Variants in IFT74 observed in about 807,000 individuals in gnomAD.
IFT74 encodes intraflagellar transport protein 74 homolog.
A neutral mutation model predicts 96.7 loss-of-function variants in IFT74; 92 were observed. That is an observed-to-expected ratio of 0.95 (90% confidence interval 0.80 to 1.13). The LOEUF (loss-of-function observed/expected upper bound fraction) is 1.13, where lower values mean the gene tolerates loss of function less well. IFT74 is among the 50% of genes most tolerant of loss of function. The pLI is 0.00. For missense variants in IFT74, 811 were observed against 698.2 expected (o/e 1.16, Z -1.82); for synonymous variants, 223 against 213.2 (o/e 1.05, Z -0.40).
intron 12 of IFT74, among the ~76,000 whole-genome samples, chr9:27,025,516 A>G (rs1285400975): frequency 6.6e-6 from 1 of 152,044 alleles, no homozygotes; most frequent in African/African-American, 2.4e-5. Flanking sequence ...CATCACAAAA[A>G]GATCATCACT....
chr9:27,008,834 C>A (rs2131600434), intron 8 of IFT74, among the ~76,000 whole-genome samples, 186 bp from the exon 9 acceptor site: 1 of 152,104 alleles, frequency 6.6e-6, no homozygotes, highest in Non-Finnish European at 1.5e-5. Flanking sequence ...TAAGTTTGTG[C>A]TAATGGGGCC....
At chr9:27,034,868 A>C (rs959770417) in intron 13 of IFT74, among the ~76,000 whole-genome samples, 1 of 152,218 alleles carries the variant, frequency 6.6e-6, no homozygotes, top group Non-Finnish European at 1.5e-5. Context: ...TGTTACTAGA[A>C]TGCCTGGATT....
intron 2 of IFT74, among the ~76,000 whole-genome samples, chr9:26,971,425 C>G (rs1426066550): frequency 6.6e-6 from 1 of 152,156 alleles, no homozygotes; most frequent in Non-Finnish European, 1.5e-5. Flanking sequence ...CCTTGATGTA[C>G]TTGAGACAAG....
chr9:26,996,208 C>A (rs932873804), intron 8 of IFT74: 21 of 762,646 alleles, frequency 2.8e-5, no homozygotes, highest in Admixed American at 3.6e-5. Flanking sequence ...GATGAGGAAT[C>A]TTTCTTTTAC....
intron 8 of IFT74, among the ~76,000 whole-genome samples, chr9:26,997,239 T>C (rs1468817114): frequency 1.3e-5 from 2 of 151,206 alleles, no homozygotes; most frequent in East Asian, 2.0e-4. Context: ...TCTTAATTTT[T>C]CCCCCTGGTA....
At chr9:26,996,469 G>A (rs867318283) in intron 8 of IFT74, 1 of 1,525,018 alleles carries the variant, frequency 6.6e-7, no homozygotes, top group African/African-American at 1.4e-5. Flanking sequence ...CAGGCTGTTG[G>A]GGTAGCTACA....
chr9:26,955,156 G>T (rs973091974), upstream of IFT74, among the ~76,000 whole-genome samples: 1 of 152,286 alleles, frequency 6.6e-6, no homozygotes, highest in South Asian at 2.1e-4. Context: ...AGCTGAAAAT[G>T]AATTTATTAA....
intron 12 of IFT74, among the ~76,000 whole-genome samples, chr9:27,022,675 C>T (rs1829665915): frequency 6.8e-6 from 1 of 147,974 alleles, no homozygotes; most frequent in Admixed American, 6.8e-5. Flanking sequence ...CAGCGTCTTG[C>T]TCTGTCGCCC....
At position 27,013,963 on chromosome 9, in the gene IFT74, C is replaced by T. The variant is rs113578171; in HGVS notation, c.789+1995C>T. On this transcript the variant is annotated intron_variant, in intron 10 of 19. Transcript: ENST00000380062. ...GGGCGTGGTGGCTCACGCCTGTAAT[C>T]CCAGCACTTTGGGAGGCCAAGGCAG... Among the ~76,000 whole-genome samples the T allele has an allele frequency of 4.5e-3, 692 of 152,292 alleles. 5 individuals carry two copies. Among genetic ancestry groups the T allele is most frequent in the African/African-American group, 0.016 (647 of 41,550 alleles).
rs1164775201 is a variant in IFT74, at chr9:26,979,708, T to TTG, written c.257-862_257-861insGT. ...ATTTAACCTAGGAACACTTTCTTTT[T>TTG]TTTTTTTTTTTTTTTTTTTTTTGAG... On this transcript the variant is annotated intron_variant, in intron 3 of 19. Transcript: ENST00000380062. Among the ~76,000 whole-genome samples, 11 of 133,898 alleles carry TTG rather than the reference T, an allele frequency of 8.2e-5. No individual in the cohort carries two copies. In the East Asian group the frequency reaches 2.5e-3, roughly 30 times the overall value. The allele number at this position is 133,898 out of a possible 152,430, so 87.8% of individuals were successfully genotyped here.
intron 4 of IFT74, among the ~76,000 whole-genome samples, chr9:26,983,181 C>T (rs1827463381): frequency 6.6e-6 from 1 of 152,190 alleles, no homozygotes; most frequent in Non-Finnish European, 1.5e-5. Context: ...TGGTTTCCCC[C>T]CATCTGTTCT....
chr9:26,980,921 G>A (rs1165024350), intron 4 of IFT74, among the ~76,000 whole-genome samples: 4 of 152,154 alleles, frequency 2.6e-5, no homozygotes, highest in Non-Finnish European at 5.9e-5. Flanking sequence ...CTGAGATTGG[G>A]TAACTTATAG....
rs188084663 is a variant in IFT74 at position 26,987,974 on chromosome 9, C to T, written c.466-695C>T. 2.9e-3 allele frequency among the ~76,000 whole-genome samples: 433 copies of T among 151,736 alleles called. 2 individuals are homozygous for T. The highest frequency in any genetic ancestry group is 0.01 in the African/African-American group (425 of 41,366). On this transcript the variant is annotated intron_variant, in intron 6 of 19. Coordinates refer to ENST00000380062, the MANE Select transcript of IFT74 (RefSeq NM_025103.4). ...TTGTTGTTGTTGTTGTTTTTTGAGA[C>T]GGAATTTCACTTTTGTTGCCCAGGC...
chr9:26,987,169 C>T (rs1296152696), intron 6 of IFT74, among the ~76,000 whole-genome samples: 1 of 152,002 alleles, frequency 6.6e-6, no homozygotes, highest in Non-Finnish European at 1.5e-5. Flanking sequence ...CCTGCTTCAG[C>T]CTCCTGAGTA....
At chr9:26,982,888 G>A (rs986801880) in intron 4 of IFT74, among the ~76,000 whole-genome samples, 12 of 151,970 alleles carry the variant, frequency 7.9e-5, no homozygotes, top group East Asian at 1.9e-4. Context: ...TGCCGCACTC[G>A]GCCTCATAAA....
intron 2 of IFT74, among the ~76,000 whole-genome samples, chr9:26,972,483 CA>C (rs1826922359): frequency 6.6e-6 from 1 of 152,162 alleles, no homozygotes; most frequent in Admixed American, 6.5e-5. Flanking sequence ...GCTACCCTGT[CA>C]TTCACATTAA....
At position 26,956,526 on chromosome 9, in the gene IFT74, C is replaced by G. The variant is rs943696221; in HGVS notation, c.-20+10C>G. 6.6e-6 allele frequency: 1 copy of G among 152,356 alleles called. No homozygotes were observed. Among genetic ancestry groups the G allele is most frequent in the South Asian group, 2.1e-4 (1 of 4,836 alleles). 9.4% of individuals were successfully genotyped at this position (152,356 alleles called of 1,614,324 possible). A position where few individuals can be genotyped will look rare whatever the true frequency, so the allele number is the denominator to read the frequency against. ...TTCCGCGCCGGCGGAGGTGAGAATC[C>G]CCGGGTCCCATCTCTTCCTCCCTCC... is the stretch of plus-strand genomic sequence containing the variant. On this transcript the variant is annotated intron_variant, in intron 1 of 19. Transcript: ENST00000380062.
At chr9:26,959,344 C>T (rs960902674) in intron 1 of IFT74, among the ~76,000 whole-genome samples, 3 of 152,108 alleles carry the variant, frequency 2.0e-5, no homozygotes, top group African/African-American at 7.2e-5. Context: ...CTCCTGACTT[C>T]GTGATCCGCC....
intron 18 of IFT74, among the ~76,000 whole-genome samples, chr9:27,056,771 A>G (rs764100821): frequency 3.9e-5 from 6 of 152,032 alleles, no homozygotes; most frequent in African/African-American, 1.4e-4. Context: ...ATAAAATCAC[A>G]AATAAAATAA....
Sources: allele counts gnomAD v4.1 joint callset (sites outside exome capture counted in the v4.1 genomes callset), GRCh38; gene constraint gnomAD v4.1.1; transcripts MANE v1.5; gene names NCBI Gene and HGNC (gene_info 2026-07-23, HGNC 2026-07-21).